Variants in RBM20 observed in about 807,000 individuals in gnomAD.
The protein encoded by RBM20 is RNA binding motif protein 20.
In RBM20, 51 loss-of-function variants were observed where a neutral mutation model predicts 110.1. The observed-to-expected ratio is 0.46, with a 90% CI of 0.37 to 0.59. RBM20 has a LOEUF of 0.59. Ranked by LOEUF, RBM20 falls within the 20% of genes least tolerant of loss-of-function variation. The pLI, the probability that RBM20 is intolerant of heterozygous loss-of-function variation, is 0.00. For missense variants in RBM20, 1,512 were observed against 1,574.9 expected, an observed-to-expected ratio of 0.96 and a Z score of 0.68; for synonymous variants, 589 against 618.2, an observed-to-expected ratio of 0.95 and a Z score of 0.70.
At chr10:110,699,188 G>A (rs549070421) in intron 1 of RBM20, among the ~76,000 whole-genome samples, 41 of 151,750 alleles carry the variant, frequency 2.7e-4, no homozygotes, top group African/African-American at 9.7e-4. Flanking sequence ...GATCCGGCAG[G>A]CAGTGGCTTC....
intron 1 of RBM20, among the ~76,000 whole-genome samples, chr10:110,689,847 A>C (rs1463004060): frequency 6.6e-6 from 1 of 152,196 alleles, no homozygotes. Context: ...AAAATCAGAG[A>C]GGTAGAAGCC....
chr10:110,679,691 A>T (rs1862394289), intron 1 of RBM20, among the ~76,000 whole-genome samples: 1 of 152,196 alleles, frequency 6.6e-6, no homozygotes, highest in Admixed American at 6.5e-5. Flanking sequence ...ATCCTCTCTG[A>T]AGGGCTGGGC....
chr10:110,724,040 A>C (rs763189346), intron 1 of RBM20, among the ~76,000 whole-genome samples: 9 of 152,228 alleles, frequency 5.9e-5, no homozygotes, highest in Non-Finnish European at 1.2e-4. Context: ...AGGCTCAGAA[A>C]GGTTACATTA....
chr10:110,827,837 A>C (rs1452739998), intron 12 of RBM20: 1 of 152,180 alleles, frequency 6.6e-6, no homozygotes, highest in Non-Finnish European at 1.5e-5. Context: ...CACTACTGGC[A>C]TGGAGACTTC....
chr10:110,715,667 A>G (rs1042470267), intron 1 of RBM20, among the ~76,000 whole-genome samples: 3 of 152,236 alleles, frequency 2.0e-5, no homozygotes, highest in Non-Finnish European at 4.4e-5. Flanking sequence ...GGGCTGCTCC[A>G]TATGATTCCT....
intron 1 of RBM20, among the ~76,000 whole-genome samples, chr10:110,749,839 A>T (rs1462550091): frequency 1.3e-5 from 2 of 152,210 alleles, no homozygotes; most frequent in Non-Finnish European, 2.9e-5. Context: ...ACACATACCA[A>T]GATAAATCTC....
At chr10:110,767,257 A>G (rs1326412887) in intron 1 of RBM20, among the ~76,000 whole-genome samples, 2 of 118,754 alleles carry the variant, frequency 1.7e-5, no homozygotes, top group African/African-American at 3.3e-5. Context: ...CTGGCCGGGC[A>G]GAGGGGCTCC....
At chr10:110,736,527 A>G (rs758402382) in intron 1 of RBM20, among the ~76,000 whole-genome samples, 1 of 152,234 alleles carries the variant, frequency 6.6e-6, no homozygotes, top group Non-Finnish European at 1.5e-5. Context: ...ATTTACCTTC[A>G]TCTTAAAAAA....
At chr10:110,728,716 A>G (rs1843589864) in intron 1 of RBM20, among the ~76,000 whole-genome samples, 2 of 152,192 alleles carry the variant, frequency 1.3e-5, no homozygotes, top group Admixed American at 6.5e-5. Context: ...TAAGCCTCAC[A>G]ACAACCCAAG....
chr10:110,821,925 G>A lies in RBM20; in HGVS notation c.3306G>A (p.Val1102=). ...TDLQNQACQE[V]LTPENSRYVE... ...TCCAAAACCAAGCTTGCCAAGAAGT[G>A]TTGACCCCGGGTAACTATCTCCCCT... The change falls in exon 11 of 14, where the codon GTG becomes GTA. Residue 1102 remains valine, a synonymous_variant. Coordinates refer to ENST00000369519, the MANE Select transcript of RBM20 (RefSeq NM_001134363.3). 1 of 1,551,712 alleles carries A rather than the reference G, an allele frequency of 6.4e-7. No homozygotes were observed. The highest frequency in any genetic ancestry group is 8.7e-7 in the Non-Finnish European group (1 of 1,146,982).
At chr10:110,733,543 C>T (rs1463412009) in intron 1 of RBM20, among the ~76,000 whole-genome samples, 1 of 152,246 alleles carries the variant, frequency 6.6e-6, no homozygotes, top group Non-Finnish European at 1.5e-5. Context: ...ATTGCCCATG[C>T]AGGGCTAGCT....
At chr10:110,781,995 G>A in intron 2 of RBM20, 111 bp downstream of exon 2, 1 of 1,353,808 alleles carries the variant, frequency 7.4e-7, no homozygotes, top group Non-Finnish European at 1.0e-6. Context: ...TGGGGTAACA[G>A]AATTTTGCCA....
At chr10:110,647,081 C>T (rs1590592632) in intron 1 of RBM20, among the ~76,000 whole-genome samples, 1 of 152,192 alleles carries the variant, frequency 6.6e-6, no homozygotes, top group Non-Finnish European at 1.5e-5. Flanking sequence ...TTTCCACTTA[C>T]TGTCTATGTT....
chr10:110,819,300 A>G (rs539774504), intron 9 of RBM20, among the ~76,000 whole-genome samples: 72 of 152,390 alleles, frequency 4.7e-4, no homozygotes, highest in African/African-American at 1.6e-3. Context: ...TGAGGATTTT[A>G]TGTAGGCACT....
intron 1 of RBM20, among the ~76,000 whole-genome samples, chr10:110,662,680 CA>C (rs1286862876): frequency 6.6e-6 from 1 of 152,212 alleles, no homozygotes; most frequent in Non-Finnish European, 1.5e-5. Flanking sequence ...AAGATACACA[CA>C]CAAAAATTTT....
chr10:110,810,491 C>T (rs758866431), intron 8 of RBM20, 29 bp downstream of exon 8: 18 of 1,510,390 alleles, frequency 1.2e-5, no homozygotes, highest in Non-Finnish European at 1.6e-5. Flanking sequence ...AGTCTCCAGG[C>T]AGGTTCTGGG....
chr10:110,737,069 C>T (rs542005553), intron 1 of RBM20, among the ~76,000 whole-genome samples: 4 of 149,886 alleles, frequency 2.7e-5, no homozygotes, highest in Admixed American at 1.3e-4. Context: ...CCCAGCTACT[C>T]GGGAGGCTGA....
At chr10:110,669,376 A>G (rs547120830) in intron 1 of RBM20, among the ~76,000 whole-genome samples, 2 of 152,170 alleles carry the variant, frequency 1.3e-5, no homozygotes, top group South Asian at 4.2e-4. Context: ...TATTATTTGG[A>G]TTTTCTGTTA....
intron 13 of RBM20, among the ~76,000 whole-genome samples, chr10:110,833,260 G>A (rs1264106179): frequency 5.3e-5 from 8 of 151,702 alleles, no homozygotes; most frequent in Non-Finnish European, 7.4e-5. Context: ...GTGGTGGCGC[G>A]CACCTATAAT....
Sources: gnomAD v4.1 joint callset for allele counts (sites outside exome capture counted in the v4.1 genomes callset) on GRCh38, gnomAD v4.1.1 for gene constraint, MANE v1.5 for transcripts, NCBI Gene and HGNC (gene_info 2026-07-23, HGNC 2026-07-21) for gene names.